ZNF676: variants seen among roughly 807,000 people sequenced by gnomAD.
ZNF676 encodes zinc finger protein 676.
A neutral mutation model predicts 6.0 loss-of-function variants in ZNF676; 4 were observed. The observed-to-expected ratio is 0.67, with a 90% CI of 0.33 to 1.53. The LOEUF is 1.53. ZNF676 is among the 40% of genes most tolerant of loss of function. The probability of loss-of-function intolerance (pLI) is 0.06; values close to 1 mark genes in which losing one functional copy is unlikely to be tolerated. For synonymous variants in ZNF676, 198 were observed against 223.1 expected (o/e 0.89, Z 1.00); for missense variants, 644 against 679.7 (o/e 0.95, Z 0.58).
chr19:22,243,756 C>T, the ZNF676 span: 1 of 152,230 alleles, frequency 6.6e-6, no homozygotes, highest in Non-Finnish European at 1.5e-5. Context: ...AGAGAGTCTT[C>T]ACCTACCTAT....
upstream of ZNF676, among the ~76,000 whole-genome samples, chr19:22,217,832 T>C (rs2144847054): frequency 6.6e-6 from 1 of 151,914 alleles, no homozygotes; most frequent in African/African-American, 2.4e-5. Flanking sequence ...GCCTCTGGAG[T>C]AGCAGGGATT....
intron 2 of ZNF676, among the ~76,000 whole-genome samples, chr19:22,187,232 A>C (rs1302687533): frequency 1.3e-5 from 2 of 152,182 alleles, no homozygotes; most frequent in Non-Finnish European, 2.9e-5. Flanking sequence ...AAAACCGTAC[A>C]ATTACATGGA....
At chr19:22,212,269 A>G (rs181483866) in intron 1 of ZNF676, among the ~76,000 whole-genome samples, 9 of 152,164 alleles carry the variant, frequency 5.9e-5, no homozygotes, top group South Asian at 4.2e-4. Context: ...TCACTCTGAG[A>G]AAGAAAAAGG....
chr19:22,205,690 C>T (rs1484646202), intron 1 of ZNF676, among the ~76,000 whole-genome samples: 1 of 151,920 alleles, frequency 6.6e-6, no homozygotes, highest in African/African-American at 2.4e-5. Context: ...ATCATTAAAT[C>T]CTCAGATCAA....
chr19:22,228,583 C>T, the ZNF676 span, among the ~76,000 whole-genome samples: 1 of 152,158 alleles, frequency 6.6e-6, no homozygotes, highest in Non-Finnish European at 1.5e-5. Flanking sequence ...TTGCAGATGA[C>T]ATGATTGTAT....
intron 2 of ZNF676, 97 bp downstream of exon 2, chr19:22,192,916 AACT>A: frequency 7.9e-7 from 1 of 1,272,704 alleles, no homozygotes; most frequent in Non-Finnish European, 1.1e-6. Context: ...TTCCAGAAAC[AACT>A]ACTTTTGGAA....
chr19:22,241,191 C>T, the ZNF676 span, among the ~76,000 whole-genome samples: 15 of 152,032 alleles, frequency 9.9e-5, 1 homozygote, highest in East Asian at 2.7e-3. Context: ...AGATTCTGGG[C>T]AGAAGCATAC....
intron 2 of ZNF676, among the ~76,000 whole-genome samples, chr19:22,188,997 A>G (rs1053409587): frequency 1.8e-4 from 27 of 149,166 alleles, no homozygotes; most frequent in African/African-American, 6.7e-4. Flanking sequence ...GAATTAGAAA[A>G]AACTACTTTA....
chr19:22,214,598 C>T (rs1301940167), intron 1 of ZNF676, among the ~76,000 whole-genome samples: 1 of 86,988 alleles, frequency 1.1e-5, no homozygotes, highest in Non-Finnish European at 2.5e-5. Flanking sequence ...GACTTGGTCT[C>T]AAAAAAAAAA....
At chr19:22,231,976 C>T in the ZNF676 span, among the ~76,000 whole-genome samples, 4 of 151,938 alleles carry the variant, frequency 2.6e-5, no homozygotes, top group African/African-American at 9.7e-5. Flanking sequence ...AGAGACAAAA[C>T]AAGCCATTAC....
chr19:22,213,465 A>C (rs1281733201), intron 1 of ZNF676, among the ~76,000 whole-genome samples: 2 of 152,234 alleles, frequency 1.3e-5, no homozygotes, highest in African/African-American at 4.8e-5. Flanking sequence ...CTTTCCAAAA[A>C]AACAGGGCAC....
intron 2 of ZNF676, 43 bp downstream of exon 2, chr19:22,192,973 T>G: frequency 6.4e-7 from 1 of 1,569,986 alleles, no homozygotes; most frequent in Non-Finnish European, 8.6e-7. Context: ...CCTCATTGAC[T>G]TTGGACTTCT....
At chr19:22,222,108 ATT>A in the ZNF676 span, among the ~76,000 whole-genome samples, 5 of 150,808 alleles carry the variant, frequency 3.3e-5, no homozygotes, top group African/African-American at 9.8e-5. Flanking sequence ...GCTAAAATAT[ATT>A]TTTTTTTTCT....
At chr19:22,221,369 T>C in the ZNF676 span, among the ~76,000 whole-genome samples, 1 of 152,208 alleles carries the variant, frequency 6.6e-6, no homozygotes, top group Non-Finnish European at 1.5e-5. Flanking sequence ...CATGTATTTG[T>C]ATGGTTTTGA....
At chr19:22,224,577 A>G in the ZNF676 span, among the ~76,000 whole-genome samples, 2 of 151,702 alleles carry the variant, frequency 1.3e-5, no homozygotes. Context: ...TGTGAGAGAA[A>G]CACTTTTGTG....
At chr19:22,216,519 A>C (rs1459738216), upstream of ZNF676, among the ~76,000 whole-genome samples, 4 of 152,226 alleles carry the variant, frequency 2.6e-5, no homozygotes, top group African/African-American at 9.6e-5. Flanking sequence ...AAAACCTTAT[A>C]AATAAATCCA....
At chr19:22,199,490 T>C (rs2024003087), upstream of ZNF676, among the ~76,000 whole-genome samples, 1 of 152,234 alleles carries the variant, frequency 6.6e-6, no homozygotes, top group Non-Finnish European at 1.5e-5. Context: ...AATAGGATGT[T>C]AGAGTACTGT....
the ZNF676 span, among the ~76,000 whole-genome samples, chr19:22,253,404 G>GTGTATATATA: frequency 2.4e-3 from 235 of 96,992 alleles, no homozygotes; most frequent in South Asian, 5.4e-3. Flanking sequence ...ATGATAATGT[G>GTGTATATATA]TATATATATA....
chr19:22,239,751 CT>C, the ZNF676 span, among the ~76,000 whole-genome samples: 165 of 152,198 alleles, frequency 1.1e-3, no homozygotes, highest in African/African-American at 3.9e-3. Context: ...GCCACAATCC[CT>C]TTTTTGGGCA....
Sources: allele counts gnomAD v4.1 joint callset (sites outside exome capture counted in the v4.1 genomes callset), GRCh38; gene constraint gnomAD v4.1.1; transcripts MANE v1.5; gene names NCBI Gene and HGNC (gene_info 2026-07-23, HGNC 2026-07-21).